Variants in C1orf116 observed in about 807,000 individuals in gnomAD.
The protein encoded by C1orf116 is specifically androgen-regulated gene protein.
In C1orf116, 12 loss-of-function variants were observed where a neutral mutation model predicts 14.1. The ratio of observed to expected loss-of-function variants is 0.85; its 90% CI spans 0.54 to 1.38. C1orf116 has a LOEUF of 1.38. Among genes scored for constraint, C1orf116 ranks in the 40% most tolerant of loss-of-function variants. The pLI is 0.00. For synonymous variants in C1orf116, 296 were observed against 299.0 expected, an observed-to-expected ratio of 0.99 and a Z score of 0.10; for missense variants, 797 against 747.0, an observed-to-expected ratio of 1.07 and a Z score of -0.78.
chr1:207,019,849 C>A lies in C1orf116; in HGVS notation c.*2109G>T, dbSNP rs1414416624. On this transcript the variant is annotated 3_prime_UTR_variant, in exon 4 of 4. Coordinates refer to ENST00000359470, the MANE Select transcript of C1orf116 (RefSeq NM_023938.6). ...ACTTTGTCGTGTGTGGGAGAAATGACCTTTCTCAGGATGTGGGAATATAAT... is the reference window on the plus strand; with the variant it reads ...ACTTTGTCGTGTGTGGGAGAAATGAACTTTCTCAGGATGTGGGAATATAAT... The A allele has an allele frequency of 6.6e-6, 1 of 152,056 alleles. No homozygotes were observed. Among genetic ancestry groups the A allele is most frequent in the Non-Finnish European group, 1.5e-5 (1 of 68,008 alleles). 9.4% of individuals were successfully genotyped at this position (152,056 alleles called of 1,614,324 possible). A position where few individuals can be genotyped will look rare whatever the true frequency, so the allele number is the denominator to read the frequency against.
At chr1:207,027,301 C>T (rs928094177) in intron 2 of C1orf116, among the ~76,000 whole-genome samples, 193 bp downstream of exon 2, 23 of 152,180 alleles carry the variant, frequency 1.5e-4, no homozygotes, top group Non-Finnish European at 2.2e-4. Flanking sequence ...TCTCTAAGGT[C>T]GTCCCATCCT....
chr1:207,031,123 A>C (rs1200611177), intron 1 of C1orf116, among the ~76,000 whole-genome samples: 1 of 152,174 alleles, frequency 6.6e-6, no homozygotes, highest in Non-Finnish European at 1.5e-5. Context: ...CTGTCTTTCA[A>C]TCCAGGTGTC....
chr1:207,031,417 G>T (rs1682241181), intron 1 of C1orf116, among the ~76,000 whole-genome samples: 1 of 152,134 alleles, frequency 6.6e-6, no homozygotes, highest in African/African-American at 2.4e-5. Flanking sequence ...TGTGAGTGTG[G>T]GGTGTTGGCT....
At chr1:207,032,079 A>G (rs1682262524) in intron 1 of C1orf116, among the ~76,000 whole-genome samples, 1 of 152,138 alleles carries the variant, frequency 6.6e-6, no homozygotes, top group South Asian at 2.1e-4. Flanking sequence ...GAGCTCCATT[A>G]TCACATGAGC....
At chr1:207,031,232 C>T (rs2102307139) in intron 1 of C1orf116, among the ~76,000 whole-genome samples, 1 of 152,360 alleles carries the variant, frequency 6.6e-6, no homozygotes, top group Non-Finnish European at 1.5e-5. Flanking sequence ...GCATATCTGT[C>T]TCCATGAACA....
At position 207,022,776 on chromosome 1, in the gene C1orf116, G is replaced by C. The variant is rs748566878; in HGVS notation, c.988C>G (p.Pro330Ala). Residue 330 changes from proline to alanine, a missense_variant, in exon 4 of 4, where the codon CCT (proline) becomes GCT (alanine). Coordinates refer to ENST00000359470, the MANE Select transcript of C1orf116 (RefSeq NM_023938.6). ...HWLSRHTEAAPGDSGLISCSL... is the reference protein window; with the variant it reads ...HWLSRHTEAAAGDSGLISCSL... ...CAGGAGATCAGGCCAGAATCTCCAG[G>C]GGCAGCCTCAGTGTGGCGGGACAGC... The C allele has an allele frequency of 6.2e-7, 1 of 1,614,180 alleles. No homozygotes were observed. The highest frequency in any genetic ancestry group is 8.5e-7 in the Non-Finnish European group (1 of 1,180,026).
chr1:207,023,237 C>T lies in C1orf116; in HGVS notation c.527G>A (p.Ser176Asn). The T allele has an allele frequency of 1.2e-6, 2 of 1,611,826 alleles. No individual in the cohort carries two copies. Among genetic ancestry groups the T allele is most frequent in the Non-Finnish European group, 1.7e-6 (2 of 1,178,758 alleles). The change falls in exon 4 of 4, where the codon AGC (serine) becomes AAC (asparagine). Residue 176 changes from serine to asparagine, a missense_variant. Transcript: ENST00000359470. ...GGCAGGTGCCTGCCTGGGTTGGCTGCTCTGGCTGACCTGTTCTTTCTCAGG... is the reference window on the plus strand; with the variant it reads ...GGCAGGTGCCTGCCTGGGTTGGCTGTTCTGGCTGACCTGTTCTTTCTCAGG... Reference protein sequence around the residue: ...PEPEKEQVSQSSQPRQAPASP... With the variant: ...PEPEKEQVSQNSQPRQAPASP...
chr1:207,029,574 G>A (rs191790623), intron 1 of C1orf116, among the ~76,000 whole-genome samples: 12 of 152,274 alleles, frequency 7.9e-5, no homozygotes, highest in East Asian at 3.9e-4. Context: ...AAAAAATGCC[G>A]AATGAATGAA....
rs1189618048 is a variant in C1orf116, at chr1:207,021,724, C to A, written c.*234G>T. 5 of 399,974 alleles carry A rather than the reference C, an allele frequency of 1.3e-5. No individual in the cohort carries two copies. Among genetic ancestry groups the A allele is most frequent in the East Asian group, 7.3e-5 (2 of 27,288 alleles). 24.8% of individuals were successfully genotyped at this position (399,974 alleles called of 1,614,324 possible). A position where few individuals can be genotyped will look rare whatever the true frequency, so the allele number is the denominator to read the frequency against. ...TAGCTTCAGTGATGTATCCAGCGGC[C>A]CCCCCTCCACACACACACCAAACAC... is the stretch of plus-strand genomic sequence containing the variant. On this transcript the variant is annotated 3_prime_UTR_variant, in exon 4 of 4. Coordinates refer to ENST00000359470, the MANE Select transcript of C1orf116 (RefSeq NM_023938.6).
At chr1:207,029,761 G>A (rs1047573714) in intron 1 of C1orf116, among the ~76,000 whole-genome samples, 1 of 152,170 alleles carries the variant, frequency 6.6e-6, no homozygotes, top group African/African-American at 2.4e-5. Flanking sequence ...AATAATAGGC[G>A]CTGGTGTTAC....
Position 207,022,205 on chromosome 1 carries a change from G to T in C1orf116, c.1559C>A (p.Pro520His). 1 of 1,614,060 alleles carries T rather than the reference G, an allele frequency of 6.2e-7. No homozygotes were observed. Among genetic ancestry groups the T allele is most frequent in the Non-Finnish European group, 8.5e-7 (1 of 1,180,010 alleles). The change falls in exon 4 of 4, where the codon CCC (proline) becomes CAC (histidine). Residue 520 changes from proline (P) to histidine (H), a missense_variant. Transcript: ENST00000359470. ...GKGSFLDKISPSVLRNSRPRP... is the reference protein window; with the variant it reads ...GKGSFLDKISHSVLRNSRPRP... ...GGGCCGAGAATTACGTAAGACACTG[G>T]GCGAGATCTTGTCCAAGAAGGAGCC...
At chr1:207,030,010 C>T (rs1411514330) in intron 1 of C1orf116, among the ~76,000 whole-genome samples, 1 of 152,206 alleles carries the variant, frequency 6.6e-6, no homozygotes, top group Non-Finnish European at 1.5e-5. Context: ...TTTCTAGTCT[C>T]TCTTTCCTAC....
In C1orf116 at chr1:207,022,667, TG is replaced by T; in HGVS notation, c.1096del (p.His366ThrfsTer2). The stretch of plus-strand genomic sequence containing the variant: ...GATGGAGCTGGTGGGCTTACTTAAG[TG>T]GAGTCCAGGCTCATCTTGATCCTGG... ...LPQDQDEPGL[H>X]LSKPTSSIRP... On this transcript the variant is annotated frameshift_variant, in exon 4 of 4. Transcript: ENST00000359470. LOFTEE classifies it low-confidence loss of function (END_TRUNC). The T allele has an allele frequency of 3.1e-6, 5 of 1,613,950 alleles. No individual in the cohort carries two copies. Among genetic ancestry groups the T allele is most frequent in the Non-Finnish European group, 4.2e-6 (5 of 1,179,990 alleles).
chr1:207,023,629 T>C, intron 3 of C1orf116, 149 bp from the exon 4 acceptor site: 1 of 1,232,128 alleles, frequency 8.1e-7, no homozygotes. Flanking sequence ...TTTTCTTTGC[T>C]TTTACAAGAG....
chr1:207,027,775 C>T (rs1682127957), intron 1 of C1orf116, 96 bp from the exon 2 acceptor site: 3 of 1,349,188 alleles, frequency 2.2e-6, no homozygotes, highest in Non-Finnish European at 2.9e-6. Context: ...ACCAAGCAAG[C>T]AGAGAGCTGG....
At chr1:207,026,273 T>TAGCC (rs1326544762) in intron 2 of C1orf116, among the ~76,000 whole-genome samples, 1 of 152,208 alleles carries the variant, frequency 6.6e-6, no homozygotes, top group Non-Finnish European at 1.5e-5. Context: ...GCCCCAAATA[T>TAGCC]AGCCCCTGGA....
chr1:207,031,508 G>A (rs1287802390), intron 1 of C1orf116, among the ~76,000 whole-genome samples: 2 of 152,156 alleles, frequency 1.3e-5, no homozygotes, highest in African/African-American at 2.4e-5. Flanking sequence ...GGCTGCGTGT[G>A]CCAGGCCCTT....
At position 207,022,476 on chromosome 1, in the gene C1orf116, G is replaced by A. The variant is rs1244287303; in HGVS notation, c.1288C>T (p.Pro430Ser). The stretch of plus-strand genomic sequence containing the variant: ...CTAGCTGCAACATTGCCTGGAGCTG[G>A]AGACTTCATTGGCAAAGGTCCCTGA... ...PAQGPLPMKS[P>S]APGNVAASKS... Residue 430 changes from proline to serine, a missense_variant, in exon 4 of 4, where the codon CCA (proline) becomes TCA (serine). Coordinates refer to ENST00000359470, the MANE Select transcript of C1orf116 (RefSeq NM_023938.6). 1.9e-6 allele frequency: 3 copies of A among 1,614,092 alleles called. No homozygotes were observed. In the African/African-American group the frequency reaches 4.0e-5, roughly 22 times the overall value.
Position 207,020,397 on chromosome 1 carries a change from C to G in C1orf116, c.*1561G>C, listed in dbSNP as rs2102294379. On this transcript the variant is annotated 3_prime_UTR_variant, in exon 4 of 4. Transcript: ENST00000359470. ...AAATTCTCAGCAGCCTTAAAAGGCACCTTTCCAGCAACATTCCCTTCATCT... is the reference window on the plus strand; with the variant it reads ...AAATTCTCAGCAGCCTTAAAAGGCAGCTTTCCAGCAACATTCCCTTCATCT... 1 of 152,336 alleles carries G rather than the reference C, an allele frequency of 6.6e-6. No individual in the cohort carries two copies. Among genetic ancestry groups the G allele is most frequent in the South Asian group, 2.1e-4 (1 of 4,826 alleles). The allele number at this position is 152,336 out of a possible 1,614,324, so 9.4% of individuals were successfully genotyped here. A position where few individuals can be genotyped will look rare whatever the true frequency, so the allele number is the denominator to read the frequency against.
Sources: gnomAD v4.1 joint callset for allele counts (sites outside exome capture counted in the v4.1 genomes callset) on GRCh38, gnomAD v4.1.1 for gene constraint, MANE v1.5 for transcripts, NCBI Gene and HGNC (gene_info 2026-07-23, HGNC 2026-07-21) for gene names.